MBOAT1: variants seen among roughly 807,000 people sequenced by gnomAD.
MBOAT1 encodes membrane bound glycerophospholipid O-acyltransferase 1, also known as membrane-bound glycerophospholipid O-acyltransferase 1.
Under a neutral mutation model 64.4 loss-of-function variants are expected in MBOAT1, and 67 were observed. The observed-to-expected ratio is 1.04, with a 90% CI of 0.85 to 1.27. The LOEUF is 1.27. Ranked by LOEUF, MBOAT1 falls within the 50% of genes most tolerant of loss-of-function variation. The pLI is 0.00. For missense variants in MBOAT1, 563 were observed against 604.6 expected (o/e 0.93, Z 0.72); for synonymous variants, 229 against 218.9 (o/e 1.05, Z -0.41).
chr6:20,103,962 G>A (rs537043052), intron 12 of MBOAT1, among the ~76,000 whole-genome samples: 20 of 152,158 alleles, frequency 1.3e-4, no homozygotes, highest in Non-Finnish European at 2.5e-4. Context: ...CTCACCCAGA[G>A]CAACTTCCAG....
At chr6:20,144,968 TCCTGACTG>T (rs1274801696) in intron 3 of MBOAT1, among the ~76,000 whole-genome samples, 1 of 152,132 alleles carries the variant, frequency 6.6e-6, no homozygotes, top group Non-Finnish European at 1.5e-5. Flanking sequence ...AGAGATGTGT[TCCTGACTG>T]CCTTATAGTA....
intron 5 of MBOAT1, among the ~76,000 whole-genome samples, chr6:20,130,930 G>A (rs1413152728): frequency 1.3e-5 from 2 of 152,132 alleles, no homozygotes; most frequent in East Asian, 1.9e-4. Flanking sequence ...GTACAAATAC[G>A]TCAGCAAATT....
At chr6:20,146,897 C>T (rs1202749578) in intron 3 of MBOAT1, among the ~76,000 whole-genome samples, 3 of 152,134 alleles carry the variant, frequency 2.0e-5, no homozygotes, top group South Asian at 2.1e-4. Context: ...CTGACTGATA[C>T]GGTTTGGCTG....
intron 1 of MBOAT1, among the ~76,000 whole-genome samples, chr6:20,199,011 T>C (rs1763044277): frequency 6.6e-6 from 1 of 152,218 alleles, no homozygotes; most frequent in African/African-American, 2.4e-5. Flanking sequence ...TTTTGGCCAA[T>C]CAAATGTAGC....
chr6:20,103,571 A>G (rs549001569), intron 12 of MBOAT1, among the ~76,000 whole-genome samples: 1 of 152,160 alleles, frequency 6.6e-6, no homozygotes, highest in African/African-American at 2.4e-5. Flanking sequence ...AGCTGGGACT[A>G]CATGCGCCAC....
At chr6:20,111,690 G>C (rs1384343580) in intron 11 of MBOAT1, among the ~76,000 whole-genome samples, 1 of 150,982 alleles carries the variant, frequency 6.6e-6, no homozygotes, top group Non-Finnish European at 1.5e-5. Context: ...AATCTAAATA[G>C]TTACATGAAC....
At chr6:20,102,504 G>C (rs1759831318) in intron 12 of MBOAT1, 92 bp from the exon 13 acceptor site, 1 of 1,107,230 alleles carries the variant, frequency 9.0e-7, no homozygotes, top group South Asian at 1.6e-5. Context: ...TGACAAGTGA[G>C]AGCACCGCTT....
chr6:20,212,075 C>G, intron 1 of MBOAT1, 61 bp downstream of exon 1: 2 of 1,508,058 alleles, frequency 1.3e-6, no homozygotes, highest in Non-Finnish European at 1.8e-6. Flanking sequence ...AACACTTTCG[C>G]CCGCCCCGTG....
Position 20,144,302 on chromosome 6 carries a change from CA to C in MBOAT1, c.336del (p.Phe112LeufsTer2). 3 of 1,607,048 alleles carry C rather than the reference CA, an allele frequency of 1.9e-6. No homozygotes were observed. The highest frequency in any genetic ancestry group is 2.6e-6 in the Non-Finnish European group (3 of 1,176,108). ...SVSNIHRYSF[F>X]VAMGYLTICH... ...CATATTGTAAGATATCCCATTGCTACAAAAAAGGAATATCTGAAAGCAAAAA... is the reference window on the plus strand; with the variant it reads ...CATATTGTAAGATATCCCATTGCTACAAAAAGGAATATCTGAAAGCAAAAA... On this transcript the variant is annotated frameshift_variant, in exon 4 of 13. Transcript: ENST00000324607. LOFTEE classifies it high-confidence loss of function.
At chr6:20,132,556 G>A (rs1760862230) in intron 4 of MBOAT1, among the ~76,000 whole-genome samples, 1 of 152,136 alleles carries the variant, frequency 6.6e-6, no homozygotes, top group African/African-American at 2.4e-5. Context: ...ATGTACACAT[G>A]AAAGAACAGA....
chr6:20,201,150 G>T (rs1050676060), intron 1 of MBOAT1, among the ~76,000 whole-genome samples: 2 of 152,040 alleles, frequency 1.3e-5, no homozygotes, highest in East Asian at 1.9e-4. Context: ...GTTATTCTTT[G>T]GTCTCTCAGC....
At chr6:20,161,828 G>C (rs567777598) in intron 1 of MBOAT1, among the ~76,000 whole-genome samples, 1 of 152,094 alleles carries the variant, frequency 6.6e-6, no homozygotes, top group Admixed American at 6.5e-5. Flanking sequence ...ACTTAGTAGT[G>C]GCCTGTATTC....
Position 20,115,358 on chromosome 6 carries a change from A to C in MBOAT1, c.1012-6T>G. The C allele has an allele frequency of 1.2e-6, 2 of 1,611,640 alleles. No individual in the cohort carries two copies. The highest frequency in any genetic ancestry group is 1.7e-6 in the Non-Finnish European group (2 of 1,177,768). ...ATTTTGAAACTTGTGGCAGTCTGGA[A>C]AGAAGAAAATAACACCTATCATTAG... On this transcript the variant is annotated splice_region_variant and splice_polypyrimidine_tract_variant and intron_variant, in intron 9 of 12. Coordinates refer to ENST00000324607, the MANE Select transcript of MBOAT1 (RefSeq NM_001080480.3).
chr6:20,126,479 G>A (rs755462665), intron 7 of MBOAT1, 38 bp downstream of exon 7: 2 of 1,539,902 alleles, frequency 1.3e-6, no homozygotes, highest in South Asian at 2.4e-5. Flanking sequence ...AGTCAACCCT[G>A]GCAGCAAAAC....
At position 20,112,885 on chromosome 6, in the gene MBOAT1, T is replaced by C; in HGVS notation, c.1200A>G (p.Ala400=). ...CCTAAAGCACACTTACCGCTCTAGC[T>C]GCTAATGTGACAAGAATTCCAGTTA... The part of the protein sequence containing the change: ...TFLTGILVTL[A]ARAVRNNYRH... The change falls in exon 11 of 13, where the codon GCA becomes GCG. Residue 400 remains alanine, a synonymous_variant. Coordinates refer to ENST00000324607, the MANE Select transcript of MBOAT1 (RefSeq NM_001080480.3). The C allele has an allele frequency of 6.2e-7, 1 of 1,613,812 alleles. No individual in the cohort carries two copies.
intron 3 of MBOAT1, among the ~76,000 whole-genome samples, chr6:20,147,527 C>A (rs781174818): frequency 6.6e-6 from 1 of 152,074 alleles, no homozygotes; most frequent in Non-Finnish European, 1.5e-5. Context: ...TAATCCCAGC[C>A]TCTTGGGAGG....
chr6:20,204,247 C>T (rs1046448745), intron 1 of MBOAT1, among the ~76,000 whole-genome samples: 1 of 151,856 alleles, frequency 6.6e-6, no homozygotes, highest in African/African-American at 2.4e-5. Flanking sequence ...CCAGAGATGC[C>T]GAGGCCCCGT....
Position 20,172,541 on chromosome 6 carries a change from AC to A in MBOAT1, c.100-19773del, listed in dbSNP as rs370666896. On this transcript the variant is annotated intron_variant, in intron 1 of 12. Coordinates refer to ENST00000324607, the MANE Select transcript of MBOAT1 (RefSeq NM_001080480.3). ...GAGGGCCTACTGCCTTGCTTCCTCAACTCTTGCTCTTAAAATCAAACAGAAT... is the reference window on the plus strand; with the variant it reads ...GAGGGCCTACTGCCTTGCTTCCTCAATCTTGCTCTTAAAATCAAACAGAAT... Among the ~76,000 whole-genome samples, 34 of 152,104 alleles carry A rather than the reference AC, an allele frequency of 2.2e-4. No homozygotes were observed. The East Asian group carries it at 6.2e-3, about 28-fold the overall frequency.
Position 20,144,247 on chromosome 6 carries a change from T to C in MBOAT1, c.392A>G (p.Tyr131Cys), listed in dbSNP as rs1010437047. The change falls in exon 4 of 13, where the codon TAT (tyrosine) becomes TGT (cysteine). Residue 131 changes from tyrosine to cysteine, a missense_variant. Coordinates refer to ENST00000324607, the MANE Select transcript of MBOAT1 (RefSeq NM_001080480.3). Reference sequence around the variant, plus strand: ...AGAAAAATCCGTAGTGAGAATTCCATAGTGGAAGATGTATATTCGGCTGAT... The same window carrying C: ...AGAAAAATCCGTAGTGAGAATTCCACAGTGGAAGATGTATATTCGGCTGAT... ...CHISRIYIFH[Y>C]GILTTDFSGP... The C allele has an allele frequency of 2.5e-6, 4 of 1,612,604 alleles. No individual in the cohort carries two copies. The highest frequency in any genetic ancestry group is 1.7e-5 in the Admixed American group (1 of 59,844).
Sources: gnomAD v4.1 joint callset for allele counts (sites outside exome capture counted in the v4.1 genomes callset) on GRCh38, gnomAD v4.1.1 for gene constraint, MANE v1.5 for transcripts, NCBI Gene and HGNC (gene_info 2026-07-23, HGNC 2026-07-21) for gene names.